The following NINL variants were observed in gnomAD, a reference collection of about 807,000 sequenced individuals.
NINL encodes ninein-like protein.
NINL carries 153 observed loss-of-function variants against 160.3 expected under a neutral mutation model. That is an observed-to-expected ratio of 0.95 (90% CI 0.84 to 1.09). The LOEUF is 1.09. Ranked by LOEUF, NINL falls within the 50% of genes least tolerant of loss-of-function variation. The pLI is 0.00. For missense variants in NINL, 1,829 were observed against 1,764.0 expected, an observed-to-expected ratio of 1.04 and a Z score of -0.66; for synonymous variants, 800 against 734.8, an observed-to-expected ratio of 1.09 and a Z score of -1.43.
chr20:25,485,891 A>T (rs2063495933), intron 13 of NINL, among the ~76,000 whole-genome samples: 1 of 152,232 alleles, frequency 6.6e-6, no homozygotes, highest in South Asian at 2.1e-4. Context: ...TTGACTCTGA[A>T]ACATTCCCAC....
At chr20:25,518,388 A>G (rs906115623) in intron 2 of NINL, among the ~76,000 whole-genome samples, 1 of 152,196 alleles carries the variant, frequency 6.6e-6, no homozygotes, top group Non-Finnish European at 1.5e-5. Flanking sequence ...CTATTGGCAC[A>G]TTCCCTTGGT....
rs373361968 is a variant in NINL at position 25,546,171 on chromosome 20, T to C, written c.-11-19573A>G. Among the ~76,000 whole-genome samples, 29 of 152,280 alleles carry C rather than the reference T, an allele frequency of 1.9e-4. No individual in the cohort carries two copies. In the East Asian group the frequency reaches 5.0e-3, roughly 26 times the overall value. The stretch of plus-strand genomic sequence containing the variant: ...GTTTTCCCCAGGCCACGGTCAATCA[T>C]ACTGGCTCCGCATAAACCTCCTTAA... On this transcript the variant is annotated intron_variant, in intron 1 of 23. Transcript: ENST00000278886.
intron 2 of NINL, among the ~76,000 whole-genome samples, chr20:25,519,480 C>T (rs537008892): frequency 3.9e-5 from 6 of 152,160 alleles, no homozygotes; most frequent in African/African-American, 1.4e-4. Flanking sequence ...TATGCCAGTG[C>T]CAAATATTTT....
At chr20:25,466,744 G>T (rs1485774365) in intron 19 of NINL, among the ~76,000 whole-genome samples, 2 of 152,096 alleles carry the variant, frequency 1.3e-5, no homozygotes, top group Non-Finnish European at 2.9e-5. Flanking sequence ...AGGTTGCAGT[G>T]AGCCAAGATC....
In NINL at chr20:25,526,401, C is replaced by G; in HGVS notation, c.180+7G>C. 1 of 1,607,578 alleles carries G rather than the reference C, an allele frequency of 6.2e-7. No homozygotes were observed. Among genetic ancestry groups the G allele is most frequent in the South Asian group, 1.1e-5 (1 of 90,610 alleles). On this transcript the variant is annotated splice_region_variant and intron_variant, in intron 2 of 23. Transcript: ENST00000278886. ...TTTCCTTTATGACAATGAAGTCCAA[C>G]ACTCACCCTGGCGAAATGGTCGTTT...
In NINL at chr20:25,504,836, AC is replaced by A. The variant is rs371695034; in HGVS notation, c.708+51del. The A allele has an allele frequency of 4.9e-4, 777 of 1,590,606 alleles. 4 individuals are homozygous for A. The East Asian group carries it at 0.014, about 28-fold the overall frequency. On this transcript the variant is annotated intron_variant, in intron 6 of 23. Coordinates refer to ENST00000278886, the MANE Select transcript of NINL (RefSeq NM_025176.6). Reference sequence around the variant, plus strand: ...GAGGGGTTTCCAGACCCAACACTAAACCGTGACCATGGCCAGGAATATGTGG... The same window carrying A: ...GAGGGGTTTCCAGACCCAACACTAAACGTGACCATGGCCAGGAATATGTGG...
intron 8 of NINL, chr20:25,499,187 G>A: frequency 1.0e-6 from 1 of 985,404 alleles, no homozygotes; most frequent in Non-Finnish European, 1.2e-6. Context: ...GAGGAGCAAT[G>A]GCATCTTGGG....
intron 23 of NINL, among the ~76,000 whole-genome samples, chr20:25,454,753 G>T (rs1600966628): frequency 6.6e-6 from 1 of 152,104 alleles, no homozygotes. Context: ...TCAGCCCTCA[G>T]GGCACAGCAC....
chr20:25,497,110 T>C (rs147210441), intron 9 of NINL, among the ~76,000 whole-genome samples: 1 of 152,308 alleles, frequency 6.6e-6, no homozygotes, highest in Non-Finnish European at 1.5e-5. Context: ...CCCCAGGGCA[T>C]GTGGGAGTTG....
At position 25,510,478 on chromosome 20, in the gene NINL, G is replaced by A. The variant is rs60772859; in HGVS notation, c.517+196C>T. 6.5e-3 allele frequency among the ~76,000 whole-genome samples: 997 copies of A among 152,326 alleles called. 16 individuals carry two copies. Among genetic ancestry groups the A allele is most frequent in the African/African-American group, 0.023 (952 of 41,572 alleles). ...GTCTGACCTTGGGAGGATGAGGACCGAGTGACGGCCTCACTGCTGTGATGA... is the reference window on the plus strand; with the variant it reads ...GTCTGACCTTGGGAGGATGAGGACCAAGTGACGGCCTCACTGCTGTGATGA... On this transcript the variant is annotated intron_variant, in intron 5 of 23. Transcript: ENST00000278886.
chr20:25,461,522 C>T lies in NINL; in HGVS notation c.3696G>A (p.Gln1232=). 6.4e-7 allele frequency: 1 copy of T among 1,551,940 alleles called. No homozygotes were observed. The highest frequency in any genetic ancestry group is 1.2e-5 in the South Asian group (1 of 80,612). Residue 1232 remains glutamine (Q), a splice_region_variant and synonymous_variant, in exon 21 of 24, where the codon CAG becomes CAA. Coordinates refer to ENST00000278886, the MANE Select transcript of NINL (RefSeq NM_025176.6). The part of the protein sequence containing the change: ...LTQTLEESQD[Q]VQGAHLRLRQ... ...GCCTCCAGCCATCGCTCACACCCACCTGGTCTTGACTTTCCTCAAGGGTCT... is the reference window on the plus strand; with the variant it reads ...GCCTCCAGCCATCGCTCACACCCACTTGGTCTTGACTTTCCTCAAGGGTCT...
At chr20:25,573,346 A>G (rs1359527897) in intron 1 of NINL, among the ~76,000 whole-genome samples, 1 of 152,140 alleles carries the variant, frequency 6.6e-6, no homozygotes, top group African/African-American at 2.4e-5. Flanking sequence ...TATAAAATCT[A>G]TGCTGAAAAA....
At chr20:25,563,963 A>T (rs2064972580) in intron 1 of NINL, among the ~76,000 whole-genome samples, 1 of 152,136 alleles carries the variant, frequency 6.6e-6, no homozygotes, top group Non-Finnish European at 1.5e-5. Flanking sequence ...TCATGCCTGT[A>T]ATTCCAGCTC....
intron 15 of NINL, 22 bp from the exon 16 acceptor site, chr20:25,479,228 C>T (rs1198116450): frequency 1.9e-6 from 3 of 1,583,388 alleles, no homozygotes; most frequent in Non-Finnish European, 2.6e-6. Context: ...AACATGAGCC[C>T]CGTGGACCAG....
chr20:25,484,894 T>G (rs770592442), intron 13 of NINL, among the ~76,000 whole-genome samples: 14 of 152,052 alleles, frequency 9.2e-5, no homozygotes, highest in Admixed American at 2.0e-4. Context: ...GAAAAAATGG[T>G]GATTACCGAG....
At chr20:25,487,179 A>G (rs188455681) in intron 13 of NINL, among the ~76,000 whole-genome samples, 2 of 152,242 alleles carry the variant, frequency 1.3e-5, no homozygotes, top group East Asian at 3.8e-4. Flanking sequence ...ATATAGCTAT[A>G]AACTATGGTT....
At chr20:25,535,730 G>A (rs1313694239) in intron 1 of NINL, among the ~76,000 whole-genome samples, 2 of 152,050 alleles carry the variant, frequency 1.3e-5, no homozygotes, top group African/African-American at 4.8e-5. Flanking sequence ...TTCAAAATAT[G>A]GTGACCTGCT....
intron 1 of NINL, among the ~76,000 whole-genome samples, chr20:25,550,487 A>G (rs2064794092): frequency 6.6e-6 from 1 of 152,146 alleles, no homozygotes; most frequent in Non-Finnish European, 1.5e-5. Flanking sequence ...AAGGACCTGC[A>G]CCGGCACTGG....
intron 19 of NINL, among the ~76,000 whole-genome samples, chr20:25,464,242 C>T (rs147420720): frequency 1.3e-5 from 2 of 152,272 alleles, no homozygotes; most frequent in Admixed American, 6.5e-5. Context: ...CATGGCGAAA[C>T]CCCATCTCCA....
Sources: allele counts gnomAD v4.1 joint callset (sites outside exome capture counted in the v4.1 genomes callset), GRCh38; gene constraint gnomAD v4.1.1; transcripts MANE v1.5; gene names NCBI Gene and HGNC (gene_info 2026-07-23, HGNC 2026-07-21).